CHD7: variants seen among roughly 807,000 people sequenced by gnomAD.
CHD7 encodes the protein ATP-dependent chromatin remodeler CHD7.
In CHD7, 24 loss-of-function variants were observed where a neutral mutation model predicts 307.3. The ratio of observed to expected loss-of-function variants is 0.08; its 90% CI spans 0.06 to 0.11. CHD7 has a LOEUF of 0.11. Among genes scored for constraint, CHD7 ranks in the 10% least tolerant of loss-of-function variants. CHD7 has a pLI of 1.00. For synonymous variants in CHD7, 1,363 were observed against 1,349.9 expected (o/e 1.01, Z -0.21); for missense variants, 3,106 against 3,727.1 (o/e 0.83, Z 4.34).
Position 60,742,329 on chromosome 8 carries a change from C to T in CHD7, c.897C>T (p.Val299=), listed in dbSNP as rs1355286515. Residue 299 remains valine (V), a synonymous_variant, in exon 2 of 38, where the codon GTC becomes GTT. Coordinates refer to ENST00000423902, the MANE Select transcript of CHD7 (RefSeq NM_017780.4). ...TLNFSSRSQT[V]PSPTINNSGQ... is the part of the protein sequence containing the mutation. ...ACTTTAGTTCTCGGAGCCAGACAGT[C>T]CCCTCTCCTACTATAAACAACTCAG... is the stretch of plus-strand genomic sequence containing the variant. 9 of 1,613,962 alleles carry T rather than the reference C, an allele frequency of 5.6e-6. No homozygotes were observed. Among genetic ancestry groups the T allele is most frequent in the South Asian group, 1.1e-5 (1 of 91,082 alleles).
At position 60,853,458 on chromosome 8, in the gene CHD7, C is replaced by G. The variant is rs1284080485; in HGVS notation, c.6733C>G (p.Leu2245Val). Residue 2245 changes from leucine (L) to valine (V), a missense_variant, in exon 31 of 38, where the codon CTG (leucine) becomes GTG (valine). Around this residue, in one of 10 missense-constraint regions of CHD7, gnomAD observed 1,030 missense variants for 1,165.4 expected, o/e 0.88. Transcript: ENST00000423902. ...KGSEEDEEEK[L>V]EDDDKSEESS... is the part of the protein sequence containing the mutation. The stretch of plus-strand genomic sequence containing the variant: ...TTCCGAAGAGGATGAAGAGGAAAAG[C>G]TGGAGGATGACGATAAGTCGGAAGA... 2.0e-6 allele frequency: 3 copies of G among 1,517,700 alleles called. No homozygotes were observed. The African/African-American group carries it at 4.2e-5, about 21-fold the overall frequency. 94.0% of individuals were successfully genotyped at this position (1,517,700 alleles called of 1,614,324 possible).
chr8:60,809,401 C>T (rs993485601), intron 7 of CHD7: 27 of 152,086 alleles, frequency 1.8e-4, no homozygotes, highest in Admixed American at 1.7e-3. Context: ...AGGAGGTAAA[C>T]TAAGTAAACC....
chr8:60,838,397 G>GA, intron 19 of CHD7, 142 bp downstream of exon 19: 1 of 751,506 alleles, frequency 1.3e-6, no homozygotes, highest in Non-Finnish European at 2.2e-6. Flanking sequence ...CCTGGCACAT[G>GA]AAGCTTTCTT....
intron 21 of CHD7, among the ~76,000 whole-genome samples, chr8:60,842,409 C>T (rs1162073130): frequency 6.6e-6 from 1 of 152,194 alleles, no homozygotes; most frequent in African/African-American, 2.4e-5. Context: ...CTGTCGTAAG[C>T]TTTTAATATT....
At chr8:60,700,125 A>G (rs1021885375) in intron 1 of CHD7, among the ~76,000 whole-genome samples, 83 of 152,188 alleles carry the variant, frequency 5.5e-4, no homozygotes, top group African/African-American at 1.8e-3. Flanking sequence ...GGTGTGAGCC[A>G]CCGTGCCTGG....
intron 2 of CHD7, among the ~76,000 whole-genome samples, chr8:60,774,157 A>G (rs1170139389): frequency 6.6e-6 from 1 of 152,128 alleles, no homozygotes; most frequent in African/African-American, 2.4e-5. Flanking sequence ...CACATTCCAG[A>G]CCTTCTCACA....
chr8:60,821,696 A>G (rs1804048515), intron 9 of CHD7, 94 bp from the exon 10 acceptor site: 3 of 1,048,270 alleles, frequency 2.9e-6, no homozygotes, highest in East Asian at 2.7e-5. Flanking sequence ...ACACATACAT[A>G]TCTATATGTA....
chr8:60,798,996 TC>T (rs1812165182), intron 4 of CHD7, among the ~76,000 whole-genome samples: 1 of 152,224 alleles, frequency 6.6e-6, no homozygotes, highest in South Asian at 2.1e-4. Context: ...CTATTAATAA[TC>T]TGTTGTCTGT....
rs2150579148 is a variant in CHD7, at chr8:60,742,194, G to A, written c.762G>A (p.Gln254=). ...CACCTTCCTTGCGTCACTCGGTGCA[G>A]CAGTTCCATCACCACCCCTCTACTG... The part of the protein sequence containing the change: ...SMAPSLRHSV[Q]QFHHHPSTAL... The change falls in exon 2 of 38, where the codon CAG becomes CAA. Residue 254 remains glutamine (Q), a synonymous_variant. Coordinates refer to ENST00000423902, the MANE Select transcript of CHD7 (RefSeq NM_017780.4). 6.2e-7 allele frequency: 1 copy of A among 1,613,882 alleles called. No homozygotes were observed. The highest frequency in any genetic ancestry group is 1.1e-5 in the South Asian group (1 of 91,086).
Position 60,838,273 on chromosome 8 carries a change from G to T in CHD7, c.4533+18G>T. The T allele has an allele frequency of 1.3e-6, 2 of 1,590,712 alleles. No homozygotes were observed. The highest frequency in any genetic ancestry group is 2.3e-5 in the East Asian group (1 of 44,240). Reference sequence around the variant, plus strand: ...TTGCTAAGGTGTGAATCGATCTAAAGAGGCCAGGTTTTCCATAGAAGCATG... The same window carrying T: ...TTGCTAAGGTGTGAATCGATCTAAATAGGCCAGGTTTTCCATAGAAGCATG... On this transcript the variant is annotated intron_variant, in intron 19 of 37. Coordinates refer to ENST00000423902, the MANE Select transcript of CHD7 (RefSeq NM_017780.4).
chr8:60,814,991 C>T (rs907706704), intron 7 of CHD7, among the ~76,000 whole-genome samples: 6 of 152,102 alleles, frequency 3.9e-5, no homozygotes, highest in East Asian at 3.8e-4. Flanking sequence ...CAAAAAGTTT[C>T]GAGTTTTAGA....
At chr8:60,753,845 G>A (rs556307433) in intron 2 of CHD7, among the ~76,000 whole-genome samples, 17 of 151,782 alleles carry the variant, frequency 1.1e-4, no homozygotes, top group African/African-American at 4.1e-4. Context: ...GGCTGGTCTC[G>A]AACTCCTTTC....
intron 32 of CHD7, 58 bp downstream of exon 32, chr8:60,854,581 A>G: frequency 7.1e-7 from 1 of 1,408,898 alleles, no homozygotes; most frequent in Admixed American, 2.3e-5. Flanking sequence ...GGTAGAGGAA[A>G]TCTTTCTAGC....
At chr8:60,679,441 G>C (rs889246590) in intron 1 of CHD7, 1 of 146,212 alleles carries the variant, frequency 6.8e-6, no homozygotes, top group Non-Finnish European at 1.5e-5. Context: ...GCCGGCGTGG[G>C]GGGGGGGTAC....
intron 2 of CHD7, among the ~76,000 whole-genome samples, chr8:60,751,693 A>C (rs1809649692): frequency 6.6e-6 from 1 of 152,150 alleles, no homozygotes; most frequent in Non-Finnish European, 1.5e-5. Flanking sequence ...ACCAGGAGTG[A>C]GGTTTTATTT....
In CHD7 at chr8:60,749,879, C is replaced by T. The variant is rs540785244; in HGVS notation, c.1665+6782C>T. ...AACAGCCTGTGGTTTCTCACGAAGA[C>T]TCTTAAAGTATTTCTTTTGACTACT... On this transcript the variant is annotated intron_variant, in intron 2 of 37. Coordinates refer to ENST00000423902, the MANE Select transcript of CHD7 (RefSeq NM_017780.4). Among the ~76,000 whole-genome samples, 61 of 152,340 alleles carry T rather than the reference C, an allele frequency of 4.0e-4. No homozygotes were observed. In the South Asian group the frequency reaches 0.012, roughly 29 times the overall value.
intron 2 of CHD7, among the ~76,000 whole-genome samples, chr8:60,769,372 A>ACT (rs1304294257): frequency 6.6e-6 from 1 of 152,020 alleles, no homozygotes; most frequent in East Asian, 1.9e-4. Context: ...AGCTACTCAA[A>ACT]CTCTTGGCTG....
intron 37 of CHD7, chr8:60,863,492 T>G (rs1199096452): frequency 2.6e-5 from 4 of 152,228 alleles, no homozygotes; most frequent in African/African-American, 9.6e-5. Flanking sequence ...TCTGGGTTAT[T>G]TCCTGATTTT....
rs1047487539 is a variant in CHD7 at position 60,722,013 on chromosome 8, A to G, written c.-174-19246A>G. ...TCTTTTTGCAAAAAGAGAAGGACAA[A>G]TGAAATGCTGAAGTATTCTAATAGT... On this transcript the variant is annotated intron_variant, in intron 1 of 37. Transcript: ENST00000423902. Among the ~76,000 whole-genome samples, 3 of 152,238 alleles carry G rather than the reference A, an allele frequency of 2.0e-5. No homozygotes were observed. The South Asian group carries it at 6.2e-4, about 31-fold the overall frequency.
Sources: gnomAD v4.1 joint callset for allele counts (sites outside exome capture counted in the v4.1 genomes callset) on GRCh38, gnomAD v4.1.1 for gene constraint, gnomAD v4.1.1 regional missense constraint, MANE v1.5 for transcripts, NCBI Gene and HGNC (gene_info 2026-07-23, HGNC 2026-07-21) for gene names.